APOB: variants seen among roughly 807,000 people sequenced by gnomAD.
The protein encoded by APOB is apolipoprotein B-100.
Under a neutral mutation model 314.1 loss-of-function variants are expected in APOB, and 153 were observed. The observed-to-expected ratio is 0.49, with a 90% CI of 0.43 to 0.56. The LOEUF is 0.56. Ranked by LOEUF, APOB falls within the 20% of genes least tolerant of loss-of-function variation. APOB has a pLI of 0.00. For missense variants in APOB, 5,430 were observed against 5,350.7 expected (o/e 1.01, Z -0.46); for synonymous variants, 2,087 against 2,036.4 (o/e 1.02, Z -0.67).
At position 21,004,400 on chromosome 2, in the gene APOB, G is replaced by A. The variant is rs746190877; in HGVS notation, c.11956C>T (p.Leu3986Phe). 1 of 1,614,072 alleles carries A rather than the reference G, an allele frequency of 6.2e-7. No homozygotes were observed. Among genetic ancestry groups the A allele is most frequent in the South Asian group, 1.1e-5 (1 of 91,082 alleles). The change falls in exon 28 of 29, where the codon CTC becomes TTC. Residue 3986 changes from leucine (L) to phenylalanine (F), a missense_variant. Leu to Phe is a conservative substitution (Grantham distance 22). Around this residue, in one of 3 missense-constraint regions of APOB, gnomAD observed 3,281 missense variants for 3,171.0 expected, o/e 1.03. Transcript: ENST00000233242. The stretch of plus-strand genomic sequence containing the variant: ...TTGTCTTTCTGGTAGCGCAGATGGA[G>A]ATCGGTGAACGCTGGGCTTTTGATA... The part of the protein sequence containing the change: ...LNIKSPAFTD[L>F]HLRYQKDKKG...
Position 21,007,851 on chromosome 2 carries a change from C to A in APOB, c.9017G>T (p.Gly3006Val), listed in dbSNP as rs1429499027. The stretch of plus-strand genomic sequence containing the variant: ...CTTCCCTTCTCCAAACAGTGCCATG[C>A]CTTTAGCAGTTAGAACACTGTGGCC... ...HVGHSVLTAK[G>V]MALFGEGKAE... Residue 3006 changes from glycine to valine, a missense_variant, in exon 26 of 29, where the codon GGC (glycine) becomes GTC (valine). Coordinates refer to ENST00000233242, the MANE Select transcript of APOB (RefSeq NM_000384.3). 1.2e-6 allele frequency: 2 copies of A among 1,614,050 alleles called. No individual in the cohort carries two copies. The highest frequency in any genetic ancestry group is 8.5e-7 in the Non-Finnish European group (1 of 1,179,962).
Position 21,006,746 on chromosome 2 carries a change from A to T in APOB, c.10122T>A (p.Ile3374=). The T allele has an allele frequency of 6.2e-7, 1 of 1,614,078 alleles. No homozygotes were observed. Among genetic ancestry groups the T allele is most frequent in the Non-Finnish European group, 8.5e-7 (1 of 1,179,974 alleles). The change falls in exon 26 of 29, where the codon ATT becomes ATA. Residue 3374 remains isoleucine (I), a synonymous_variant. Coordinates refer to ENST00000233242, the MANE Select transcript of APOB (RefSeq NM_000384.3). ...AHLLSSSSSV[I]DALQYKLEGT... ...CCTCTAATTTGTACTGCAGTGCATCAATGACAGATGAAGATGAAGAAAGGA... is the reference window on the plus strand; with the variant it reads ...CCTCTAATTTGTACTGCAGTGCATCTATGACAGATGAAGATGAAGAAAGGA...
chr2:21,024,225 C>A (rs957190540), intron 16 of APOB: 1 of 152,186 alleles, frequency 6.6e-6, no homozygotes, highest in African/African-American at 2.4e-5. Context: ...TTATATATTT[C>A]CTTTTATGAA....
Position 21,025,120 on chromosome 2 carries a change from A to G in APOB, c.2249T>C (p.Met750Thr). ...AACACTGAGCATTATTCCATTTACC[A>G]TATCCTGAGAGTTTAGTAATAAAAT... ...YTKDDKHEQD[M>T]VNGIMLSVEK... Residue 750 changes from methionine (M) to threonine (T), a missense_variant, in exon 16 of 29, where the codon ATG (methionine) becomes ACG (threonine). By Grantham distance (81) the Met-to-Thr change is moderately conservative. Transcript: ENST00000233242. 1 of 1,613,904 alleles carries G rather than the reference A, an allele frequency of 6.2e-7. No individual in the cohort carries two copies. The highest frequency in any genetic ancestry group is 8.5e-7 in the Non-Finnish European group (1 of 1,180,004).
intron 6 of APOB, 47 bp downstream of exon 6, chr2:21,037,053 A>G: frequency 1.2e-6 from 2 of 1,612,516 alleles, no homozygotes; most frequent in Middle Eastern, 1.7e-4. Flanking sequence ...TTGTATTAAT[A>G]AGAGGATGCT....
In APOB at chr2:21,015,545, A is replaced by T. The variant is rs761092274; in HGVS notation, c.3333T>A (p.Ser1111Arg). The change falls in exon 22 of 29, where the codon AGT becomes AGA. Residue 1111 changes from serine (S) to arginine (R), a missense_variant and splice_region_variant. By Grantham distance (110) the Ser-to-Arg change is moderately radical. Transcript: ENST00000233242. ...ITEVALMGHL[S>R]CDTKEERKIK... is the part of the protein sequence containing the mutation. The stretch of plus-strand genomic sequence containing the variant: ...TTTTTCTTTCTTCCTTTGTGTCACA[A>T]CTATGGTAAAGAAAATCAGTTGGCA... The T allele has an allele frequency of 5.0e-6, 8 of 1,612,008 alleles. No individual in the cohort carries two copies. Among genetic ancestry groups the T allele is most frequent in the Non-Finnish European group, 6.8e-6 (8 of 1,180,000 alleles).
chr2:21,009,667 C>G lies in APOB; in HGVS notation c.7201G>C (p.Val2401Leu), dbSNP rs569794936. The G allele has an allele frequency of 3.1e-5, 50 of 1,613,264 alleles. 1 individual carries two copies. The South Asian group carries it at 5.5e-4, about 18-fold the overall frequency. ...AAAGATAATTCATTAAGCTTCTTGACAGCATCATCAATAAATCCAACCAAT... is the reference window on the plus strand; with the variant it reads ...AAAGATAATTCATTAAGCTTCTTGAGAGCATCATCAATAAATCCAACCAAT... ...EKLVGFIDDAVKKLNELSFKT... is the reference protein window; with the variant it reads ...EKLVGFIDDALKKLNELSFKT... The change falls in exon 26 of 29, where the codon GTC (valine) becomes CTC (leucine). Residue 2401 changes from valine (V) to leucine (L), a missense_variant. Val to Leu is a conservative substitution (Grantham distance 32). Around this residue, in one of 3 missense-constraint regions of APOB, gnomAD observed 3,281 missense variants for 3,171.0 expected, o/e 1.03. Coordinates refer to ENST00000233242, the MANE Select transcript of APOB (RefSeq NM_000384.3).
At chr2:21,034,947 C>T (rs776423509) in intron 7 of APOB, 46 bp from the exon 8 acceptor site, 1 of 940,928 alleles carries the variant, frequency 1.1e-6, no homozygotes, top group East Asian at 2.4e-5. Flanking sequence ...CCAGAACATA[C>T]TATTCTTTCC....
chr2:21,039,516 T>C (rs1038454051), intron 4 of APOB, among the ~76,000 whole-genome samples: 1 of 152,118 alleles, frequency 6.6e-6, no homozygotes, highest in African/African-American at 2.4e-5. Flanking sequence ...GACGGACTTA[T>C]CTCCCACAGC....
chr2:21,006,501 G>GAAGA lies in APOB; in HGVS notation c.10363_10366dup (p.Ser3456PhefsTer7). On this transcript the variant is annotated frameshift_variant, in exon 26 of 29. Coordinates refer to ENST00000233242, the MANE Select transcript of APOB (RefSeq NM_000384.3). LOFTEE classifies it high-confidence loss of function. ...GAAATCATACTTAAATTCCATGGAG[G>GAAGA]AAGAGACAGTAGGTTTTGACTTGGT... 1 of 1,614,142 alleles carries GAAGA rather than the reference G, an allele frequency of 6.2e-7. No homozygotes were observed. The highest frequency in any genetic ancestry group is 8.5e-7 in the Non-Finnish European group (1 of 1,179,974).
chr2:21,006,372 T>C lies in APOB; in HGVS notation c.10496A>G (p.Asp3499Gly), dbSNP rs1663138065. ...CCGAGAAAGAACCGAACCCTTGACA[T>C]CTCCTTTGGTAGATGACTCAATGGA... ...YFSIESSTKG[D>G]VKGSVLSREY... is the part of the protein sequence containing the mutation. The change falls in exon 26 of 29, where the codon GAT becomes GGT. Residue 3499 changes from aspartate (D) to glycine (G), a missense_variant. By Grantham distance (94) the Asp-to-Gly change is moderately conservative. This residue lies in a region of APOB where 3,281 missense variants were observed against 3,171.0 expected (regional missense o/e 1.03). Coordinates refer to ENST00000233242, the MANE Select transcript of APOB (RefSeq NM_000384.3). The C allele has an allele frequency of 1.2e-6, 2 of 1,613,890 alleles. No homozygotes were observed. Among genetic ancestry groups the C allele is most frequent in the African/African-American group, 1.3e-5 (1 of 74,904 alleles).
intron 12 of APOB, 138 bp downstream of exon 12, chr2:21,029,501 A>G (rs1182768537): frequency 1.2e-6 from 1 of 826,542 alleles, no homozygotes; most frequent in Non-Finnish European, 1.9e-6. Context: ...GGGAGGAAGG[A>G]AGGAAGGAAG....
chr2:21,040,729 C>T (rs780564700), intron 4 of APOB, among the ~76,000 whole-genome samples: 22 of 152,304 alleles, frequency 1.4e-4, no homozygotes, highest in Admixed American at 2.6e-4. Flanking sequence ...TTTAGAAACA[C>T]ATGAAAATGA....
Position 21,026,677 on chromosome 2 carries a change from T to C in APOB, c.2244+111A>G, listed in dbSNP as rs1272163162. On this transcript the variant is annotated intron_variant, in intron 15 of 28. Transcript: ENST00000233242. ...CAGCAGGTCTGGTTGATAAAAACCA[T>C]AGTTATCCCTTCAGTTAGATAGTAT... is the stretch of plus-strand genomic sequence containing the variant. The C allele has an allele frequency of 1.1e-5, 10 of 933,564 alleles. No homozygotes were observed. In the East Asian group the frequency reaches 1.4e-4, roughly 13 times the overall value. The allele number at this position is 933,564 out of a possible 1,614,324, so 57.8% of individuals were successfully genotyped here. A position where few individuals can be genotyped will look rare whatever the true frequency, so the allele number is the denominator to read the frequency against.
Position 21,007,537 on chromosome 2 carries a change from T to A in APOB, c.9331A>T (p.Met3111Leu), listed in dbSNP as rs1368923441. 2 of 1,614,124 alleles carry A rather than the reference T, an allele frequency of 1.2e-6. No individual in the cohort carries two copies. Among genetic ancestry groups the A allele is most frequent in the Admixed American group, 1.7e-5 (1 of 60,022 alleles). ...NFSAGNNENIMEAHVGINGEA... is the reference protein window; with the variant it reads ...NFSAGNNENILEAHVGINGEA... ...CCATTTATTCCTACATGGGCCTCCA[T>A]AATGTTCTCGTTGTTTCCAGCAGAG... The change falls in exon 26 of 29, where the codon ATG becomes TTG. Residue 3111 changes from methionine (M) to leucine (L), a missense_variant. Met to Leu is a conservative substitution (Grantham distance 15). Around this residue, in one of 3 missense-constraint regions of APOB, gnomAD observed 3,281 missense variants for 3,171.0 expected, o/e 1.03. Transcript: ENST00000233242.
Position 21,008,852 on chromosome 2 carries a change from G to T in APOB, c.8016C>A (p.Ile2672=), listed in dbSNP as rs909127585. The change falls in exon 26 of 29, where the codon ATC becomes ATA. Residue 2672 remains isoleucine (I), a synonymous_variant. Transcript: ENST00000233242. ...TIDFVEMKVK[I]IRTIDQMLNS... is the part of the protein sequence containing the mutation. ...TCAGCATCTGGTCAATGGTTCTGAT[G>T]ATCTTTACTTTCATTTCTACAAAGT... 6.2e-6 allele frequency: 10 copies of T among 1,614,026 alleles called. No homozygotes were observed. The highest frequency in any genetic ancestry group is 2.2e-5 in the East Asian group (1 of 44,880).
chr2:21,042,090 C>G (rs1441237702), intron 3 of APOB, among the ~76,000 whole-genome samples: 1 of 152,216 alleles, frequency 6.6e-6, no homozygotes, highest in Non-Finnish European at 1.5e-5. Context: ...TGCTGCTAAT[C>G]TAGATCATGG....
At chr2:21,028,607 T>G in intron 12 of APOB, 69 bp from the exon 13 acceptor site, 1 of 1,029,128 alleles carries the variant, frequency 9.7e-7, no homozygotes, top group South Asian at 1.3e-5. Context: ...TGGCAAACAC[T>G]GGCATTGTCT....
rs779036508 is a variant in APOB at position 21,005,589 on chromosome 2, G to A, written c.11279C>T (p.Ser3760Leu). ...HVPFTDLQVPSCKLDFREIQI... is the reference protein window; with the variant it reads ...HVPFTDLQVPLCKLDFREIQI... Reference sequence around the variant, plus strand: ...TATTTCTCTGAAGTCAAGTTTGCACGATGGAACCTGAAGATCTGTAAATGG... The same window carrying A: ...TATTTCTCTGAAGTCAAGTTTGCACAATGGAACCTGAAGATCTGTAAATGG... The change falls in exon 26 of 29, where the codon TCG (serine) becomes TTG (leucine). Residue 3760 changes from serine to leucine, a missense_variant. Transcript: ENST00000233242. 3.8e-5 allele frequency: 61 copies of A among 1,613,986 alleles called. No individual in the cohort carries two copies. The highest frequency in any genetic ancestry group is 4.8e-5 in the Non-Finnish European group (57 of 1,179,954).
Sources: allele counts gnomAD v4.1 joint callset (sites outside exome capture counted in the v4.1 genomes callset), GRCh38; gene constraint gnomAD v4.1.1; regional missense constraint gnomAD v4.1.1; transcripts MANE v1.5; gene names NCBI Gene and HGNC (gene_info 2026-07-23, HGNC 2026-07-21).